DPP6: variants seen among roughly 807,000 people sequenced by gnomAD.
The protein encoded by DPP6 is A-type potassium channel modulatory protein DPP6.
In DPP6, 69 loss-of-function variants were observed where a neutral mutation model predicts 122.6. The observed-to-expected ratio is 0.56, with a 90% CI of 0.46 to 0.69. The LOEUF is 0.69. DPP6 is among the 30% of genes least tolerant of loss of function. The pLI, the probability that DPP6 is intolerant of heterozygous loss-of-function variation, is 0.00. For missense variants in DPP6, 928 were observed against 1,116.9 expected, an observed-to-expected ratio of 0.83 and a Z score of 2.41; for synonymous variants, 418 against 433.1, an observed-to-expected ratio of 0.97 and a Z score of 0.43.
At position 154,678,476 on chromosome 7, in the gene DPP6, G is replaced by A. The variant is rs561489479; in HGVS notation, c.762+9035G>A. ...TGTGACACTCACTGCGAAGGTCTACGGCTTCACTCCTGAAGTCACCAAGAC... is the reference window on the plus strand; with the variant it reads ...TGTGACACTCACTGCGAAGGTCTACAGCTTCACTCCTGAAGTCACCAAGAC... On this transcript the variant is annotated intron_variant, in intron 7 of 25. Transcript: ENST00000377770. Among the ~76,000 whole-genome samples the A allele has an allele frequency of 3.3e-4, 50 of 152,120 alleles. No individual in the cohort carries two copies. In the Middle Eastern group the frequency reaches 0.021, roughly 63 times the overall value.
At chr7:154,473,018 T>TA (rs1463863912) in intron 2 of DPP6, among the ~76,000 whole-genome samples, 1 of 152,226 alleles carries the variant, frequency 6.6e-6, no homozygotes, top group East Asian at 1.9e-4. Context: ...ATGGCAGTCT[T>TA]ACATGTTTTT....
chr7:154,638,176 T>C (rs1469293204), intron 6 of DPP6, among the ~76,000 whole-genome samples: 1 of 152,190 alleles, frequency 6.6e-6, no homozygotes, highest in Non-Finnish European at 1.5e-5. Context: ...CATTCCCCTC[T>C]GCTTTGTAAT....
At chr7:154,400,665 T>A (rs78612732) in intron 1 of DPP6, among the ~76,000 whole-genome samples, 2 of 152,180 alleles carry the variant, frequency 1.3e-5, no homozygotes, top group East Asian at 3.9e-4. Flanking sequence ...TAGGCAAGCA[T>A]GGAATCACAC....
intron 4 of DPP6, among the ~76,000 whole-genome samples, chr7:154,551,629 G>T (rs747040176): frequency 1.9e-4 from 29 of 151,932 alleles, no homozygotes; most frequent in Non-Finnish European, 5.9e-5. Flanking sequence ...AAAACTTGTT[G>T]GATCTGTATT....
chr7:154,167,777 G>A (rs1321627005), intron 1 of DPP6, among the ~76,000 whole-genome samples: 2 of 152,182 alleles, frequency 1.3e-5, no homozygotes, highest in Non-Finnish European at 1.5e-5. Context: ...TAATTTTTTA[G>A]TTAATTCACT....
the DPP6 span, among the ~76,000 whole-genome samples, chr7:153,788,963 C>A: frequency 2.7e-5 from 3 of 111,538 alleles, no homozygotes; most frequent in Non-Finnish European, 3.9e-5. Flanking sequence ...GAAAGTCTGT[C>A]TCAAAAAAAA....
At chr7:154,225,090 C>T (rs1245224612) in intron 1 of DPP6, among the ~76,000 whole-genome samples, 1 of 151,740 alleles carries the variant, frequency 6.6e-6, no homozygotes, top group African/African-American at 2.4e-5. Flanking sequence ...TGCAGTGAGC[C>T]GAGACTGTGC....
At chr7:154,421,973 A>T (rs966535873) in intron 1 of DPP6, among the ~76,000 whole-genome samples, 2 of 152,220 alleles carry the variant, frequency 1.3e-5, no homozygotes, top group Non-Finnish European at 2.9e-5. Flanking sequence ...GTAATGAAGT[A>T]ACAACTTAGT....
At chr7:154,501,704 G>T (rs1045056614) in intron 3 of DPP6, among the ~76,000 whole-genome samples, 12 of 152,306 alleles carry the variant, frequency 7.9e-5, no homozygotes, top group African/African-American at 2.6e-4. Flanking sequence ...CAGGGGTGGG[G>T]CCCTCATGGA....
At chr7:154,480,245 C>G (rs760659712) in intron 3 of DPP6, among the ~76,000 whole-genome samples, 17 of 152,182 alleles carry the variant, frequency 1.1e-4, no homozygotes, top group Non-Finnish European at 2.4e-4. Flanking sequence ...CTGCCTGGCT[C>G]GGCCTGGCTT....
chr7:154,658,210 A>G (rs183736089), intron 6 of DPP6, among the ~76,000 whole-genome samples: 30 of 152,342 alleles, frequency 2.0e-4, no homozygotes, highest in Admixed American at 8.5e-4. Context: ...ATATTGGTTT[A>G]TCAATTATAC....
At chr7:154,076,285 A>G (rs980074200) in intron 1 of DPP6, among the ~76,000 whole-genome samples, 11 of 152,272 alleles carry the variant, frequency 7.2e-5, no homozygotes, top group African/African-American at 2.6e-4. Context: ...CCCTGTCCCT[A>G]CTAAAAATAC....
At chr7:154,383,652 G>A (rs139510719) in intron 1 of DPP6, among the ~76,000 whole-genome samples, 1,804 of 152,244 alleles carry the variant, frequency 0.012, 36 homozygotes, top group African/African-American at 0.041. Context: ...CATTTTGGGA[G>A]GCTGAGGTGG....
chr7:154,168,224 G>A (rs1244690416), intron 1 of DPP6, among the ~76,000 whole-genome samples: 2 of 152,164 alleles, frequency 1.3e-5, no homozygotes, highest in East Asian at 1.9e-4. Context: ...ACAGACGAGA[G>A]GGAAAACAGC....
chr7:154,590,256 A>G (rs950613737), intron 5 of DPP6, among the ~76,000 whole-genome samples: 3 of 152,094 alleles, frequency 2.0e-5, no homozygotes, highest in African/African-American at 7.2e-5. Context: ...AATCCCAAGA[A>G]AGCACCTTGG....
chr7:154,258,420 C>T (rs2150909308), intron 1 of DPP6, among the ~76,000 whole-genome samples: 1 of 152,296 alleles, frequency 6.6e-6, no homozygotes, highest in South Asian at 2.1e-4. Context: ...AGCAAATTCA[C>T]CACAGAACCT....
chr7:153,970,545 A>G (rs1795971655), intron 1 of DPP6, among the ~76,000 whole-genome samples: 1 of 151,852 alleles, frequency 6.6e-6, no homozygotes, highest in Admixed American at 6.6e-5. Context: ...TGACTGTCAT[A>G]CTCTATTTAA....
the DPP6 span, among the ~76,000 whole-genome samples, chr7:153,867,977 A>T: frequency 6.6e-6 from 1 of 152,216 alleles, no homozygotes; most frequent in African/African-American, 2.4e-5. Context: ...ATGTTGAACC[A>T]GCCTTGCATC....
intron 1 of DPP6, among the ~76,000 whole-genome samples, chr7:154,004,495 GA>G (rs1797825111): frequency 6.6e-6 from 1 of 151,734 alleles, no homozygotes. Flanking sequence ...AACTCTCGAT[GA>G]AGGAAAGGGA....
Sources: allele counts gnomAD v4.1 joint callset (sites outside exome capture counted in the v4.1 genomes callset), GRCh38; gene constraint gnomAD v4.1.1; transcripts MANE v1.5; gene names NCBI Gene and HGNC (gene_info 2026-07-23, HGNC 2026-07-21).